The following DRD2 variants were observed in gnomAD, a reference collection of about 807,000 sequenced individuals.
DRD2 encodes D(2) dopamine receptor.
In DRD2, 8 loss-of-function variants were observed where a neutral mutation model predicts 38.0. The observed-to-expected ratio is 0.21, with a 90% CI of 0.12 to 0.38. The LOEUF (loss-of-function observed/expected upper bound fraction) is 0.38. DRD2 is among the 10% of genes least tolerant of loss of function. DRD2 has a pLI of 1.00. For missense variants in DRD2, 403 were observed against 607.7 expected, an observed-to-expected ratio of 0.66 and a Z score of 3.54; for synonymous variants, 230 against 238.6, an observed-to-expected ratio of 0.96 and a Z score of 0.33.
chr11:113,457,693 C>T (rs1288713788), intron 1 of DRD2, among the ~76,000 whole-genome samples: 1 of 152,242 alleles, frequency 6.6e-6, no homozygotes, highest in Non-Finnish European at 1.5e-5. Context: ...AGAGCTGCCC[C>T]TGAGCTCTGT....
intron 4 of DRD2, 113 bp downstream of exon 4, chr11:113,416,750 C>T: frequency 6.8e-7 from 1 of 1,473,184 alleles, no homozygotes; most frequent in Non-Finnish European, 9.3e-7. Flanking sequence ...AGTGATAGGC[C>T]TCCATTGGGC....
At chr11:113,424,761 C>T in intron 1 of DRD2, 79 bp from the exon 2 acceptor site, 1 of 1,351,944 alleles carries the variant, frequency 7.4e-7, no homozygotes. Context: ...CAACTCCTGG[C>T]ATTTAATAAT....
At chr11:113,452,457 TGTGTGTGTGTGTGCGC>T (rs1181037683) in intron 1 of DRD2, among the ~76,000 whole-genome samples, 2 of 99,944 alleles carry the variant, frequency 2.0e-5, no homozygotes, top group African/African-American at 6.3e-5. Flanking sequence ...TGTGTGTGTG[TGTGTGTGTGTGTGCGC>T]GCGCGCGCGC....
chr11:113,437,826 C>T (rs896719428), intron 1 of DRD2, among the ~76,000 whole-genome samples: 14 of 152,172 alleles, frequency 9.2e-5, no homozygotes, highest in Non-Finnish European at 1.9e-4. Flanking sequence ...GCGTCCACCA[C>T]CAAGGGTGGC....
chr11:113,474,276 G>A (rs890032610), intron 1 of DRD2: 3 of 152,304 alleles, frequency 2.0e-5, no homozygotes, highest in Admixed American at 6.5e-5. Flanking sequence ...GCCTCAGACA[G>A]GGATAGGGAA....
At chr11:113,423,319 A>G (rs1047886120) in intron 2 of DRD2, among the ~76,000 whole-genome samples, 2 of 151,988 alleles carry the variant, frequency 1.3e-5, no homozygotes, top group Non-Finnish European at 2.9e-5. Flanking sequence ...TCTGTCGCCC[A>G]GGCTGGAGTG....
At chr11:113,462,177 T>C (rs1373549370) in intron 1 of DRD2, among the ~76,000 whole-genome samples, 1 of 152,150 alleles carries the variant, frequency 6.6e-6, no homozygotes, top group African/African-American at 2.4e-5. Flanking sequence ...AACAGGTGAC[T>C]AGGAAGGAAA....
chr11:113,474,213 C>T (rs904219846), intron 1 of DRD2: 2 of 152,384 alleles, frequency 1.3e-5, no homozygotes, highest in Non-Finnish European at 2.9e-5. Flanking sequence ...TATGTAGACG[C>T]ACACGCACCC....
At chr11:113,442,738 C>T (rs1951106136) in intron 1 of DRD2, among the ~76,000 whole-genome samples, 1 of 152,204 alleles carries the variant, frequency 6.6e-6, no homozygotes, top group African/African-American at 2.4e-5. Flanking sequence ...CCAGGAAGCG[C>T]TAATCTCTTC....
intron 1 of DRD2, among the ~76,000 whole-genome samples, chr11:113,453,898 T>C (rs1447402794): frequency 6.6e-6 from 1 of 152,216 alleles, no homozygotes; most frequent in Non-Finnish European, 1.5e-5. Flanking sequence ...TGAGCAATCA[T>C]TCTTATTATC....
chr11:113,456,710 A>G (rs1486179117), intron 1 of DRD2, among the ~76,000 whole-genome samples: 2 of 152,220 alleles, frequency 1.3e-5, no homozygotes, highest in African/African-American at 2.4e-5. Context: ...TCATAGAGAC[A>G]GAAGGTAAAA....
rs376098750 is a variant in DRD2 at position 113,441,146 on chromosome 11, C to A, written c.-31-16464G>T. The stretch of plus-strand genomic sequence containing the variant: ...ATAACCCTCCAATGGATGCTGAAGT[C>A]ATCTGAGAACCAGATGTTTGCTGTC... On this transcript the variant is annotated intron_variant, in intron 1 of 7. Coordinates refer to ENST00000362072, the MANE Select transcript of DRD2 (RefSeq NM_000795.4). 3.5e-4 allele frequency among the ~76,000 whole-genome samples: 53 copies of A among 152,298 alleles called. No individual in the cohort carries two copies. In the South Asian group the frequency reaches 0.011, roughly 32 times the overall value.
At chr11:113,443,594 C>G (rs1309761880) in intron 1 of DRD2, among the ~76,000 whole-genome samples, 14 of 152,190 alleles carry the variant, frequency 9.2e-5, no homozygotes. Flanking sequence ...CTTCCAGGAC[C>G]CTGTGCTCTA....
At chr11:113,438,145 C>T (rs896387215) in intron 1 of DRD2, among the ~76,000 whole-genome samples, 1 of 152,158 alleles carries the variant, frequency 6.6e-6, no homozygotes, top group Non-Finnish European at 1.5e-5. Flanking sequence ...GAGTCACTTC[C>T]TCTGTCCCTG....
intron 1 of DRD2, among the ~76,000 whole-genome samples, chr11:113,431,274 G>C (rs541318079): frequency 6.6e-6 from 1 of 152,346 alleles, no homozygotes; most frequent in Admixed American, 6.5e-5. Context: ...CACTCCAGGG[G>C]TGGCTGCCTC....
intron 1 of DRD2, among the ~76,000 whole-genome samples, chr11:113,460,581 A>G (rs1466797314): frequency 2.6e-5 from 4 of 152,330 alleles, no homozygotes; most frequent in Middle Eastern, 6.8e-3. Flanking sequence ...CCTTGCTGCC[A>G]GGCTTTGGGG....
chr11:113,433,225 AG>A (rs1951005124), intron 1 of DRD2, among the ~76,000 whole-genome samples: 1 of 152,190 alleles, frequency 6.6e-6, no homozygotes, highest in Non-Finnish European at 1.5e-5. Flanking sequence ...CCTGCATCCC[AG>A]GCCCGAGTGC....
intron 1 of DRD2, among the ~76,000 whole-genome samples, chr11:113,450,583 G>C (rs1951201696): frequency 6.6e-6 from 1 of 152,218 alleles, no homozygotes; most frequent in Admixed American, 6.5e-5. Context: ...GTGTTGGCTA[G>C]GTGATCATGG....
intron 1 of DRD2, chr11:113,424,932 T>A (rs1245158264): frequency 2.0e-6 from 1 of 504,244 alleles, no homozygotes; most frequent in Non-Finnish European, 3.6e-6. Flanking sequence ...TGAACAGAGC[T>A]GATCCATCAT....
Sources: allele counts gnomAD v4.1 joint callset (sites outside exome capture counted in the v4.1 genomes callset), GRCh38; gene constraint gnomAD v4.1.1; transcripts MANE v1.5; gene names NCBI Gene and HGNC (gene_info 2026-07-23, HGNC 2026-07-21).